The following EVL variants were observed in gnomAD, a reference collection of about 807,000 sequenced individuals.
EVL encodes the protein Enah/Vasp-like.
A neutral mutation model predicts 59.6 loss-of-function variants in EVL; 21 were observed. The ratio of observed to expected loss-of-function variants is 0.35; its 90% CI spans 0.25 to 0.51. The LOEUF is 0.51. Ranked by LOEUF, EVL falls within the 20% of genes least tolerant of loss-of-function variation. The probability of loss-of-function intolerance (pLI) is 0.97; values close to 1 mark genes in which losing one functional copy is unlikely to be tolerated. For synonymous variants in EVL, 198 were observed against 203.5 expected (o/e 0.97, Z 0.23); for missense variants, 462 against 546.6 (o/e 0.85, Z 1.54).
At chr14:100,085,297 T>C (rs2062415537) in intron 2 of EVL, among the ~76,000 whole-genome samples, 1 of 152,212 alleles carries the variant, frequency 6.6e-6, no homozygotes, top group South Asian at 2.1e-4. Context: ...TCCCTAATAG[T>C]TCAACCTAGG....
At position 100,097,508 on chromosome 14, in the gene EVL, G is replaced by C. The variant is rs765342478; in HGVS notation, c.208G>C (p.Gly70Arg). The C allele has an allele frequency of 3.1e-6, 5 of 1,611,482 alleles. No individual in the cohort carries two copies. The East Asian group carries it at 1.1e-4, about 36-fold the overall frequency. ...QVVINYSIVK[G>R]LKYNQATPTF... ...TGTGATCAATTATTCAATCGTGAAA[G>C]GGCTGAAGTACAATCAGGCCACGCC... The change falls in exon 3 of 14, where the codon GGG (glycine) becomes CGG (arginine). Residue 70 changes from glycine to arginine, a missense_variant. Gly to Arg is a moderately radical substitution (Grantham distance 125). Transcript: ENST00000392920.
intron 1 of EVL, among the ~76,000 whole-genome samples, chr14:100,059,946 A>G (rs1327492326): frequency 1.3e-5 from 2 of 152,198 alleles, no homozygotes; most frequent in African/African-American, 4.8e-5. Context: ...GTTAGTAGAC[A>G]TATAGAGTCA....
In EVL at chr14:100,070,071, A is replaced by T. The variant is rs896417398; in HGVS notation, c.11+4560A>T. Among the ~76,000 whole-genome samples, 224 of 151,644 alleles carry T rather than the reference A, an allele frequency of 1.5e-3. 2 individuals carry two copies. The highest frequency in any genetic ancestry group is 6.8e-3 in the Middle Eastern group (2 of 294). ...GTAAGACCTCCTCTCTTAAAAAAAA[A>T]AAAAAAAAGAAAGAAAGAAAATAAA... is the stretch of plus-strand genomic sequence containing the variant. On this transcript the variant is annotated intron_variant, in intron 1 of 13. Coordinates refer to ENST00000392920, the MANE Select transcript of EVL (RefSeq NM_016337.3).
At chr14:100,031,678 A>G (rs1171727589) in intron 1 of EVL, among the ~76,000 whole-genome samples, 1 of 152,190 alleles carries the variant, frequency 6.6e-6, no homozygotes, top group Non-Finnish European at 1.5e-5. Context: ...ATTTACAGAC[A>G]TGAAGAATTC....
chr14:100,046,677 CA>C (rs71113240), intron 1 of EVL, among the ~76,000 whole-genome samples: 85,005 of 135,274 alleles, frequency 0.63, 28,394 homozygotes, highest in Non-Finnish European at 0.75. Context: ...CCCGCGCCGC[CA>C]AAAAAAAAAA....
chr14:100,018,526 T>G (rs1416124413), intron 1 of EVL, among the ~76,000 whole-genome samples: 1 of 152,308 alleles, frequency 6.6e-6, no homozygotes, highest in East Asian at 1.9e-4. Context: ...CTGGTTTTCC[T>G]TCTTCCACCC....
At chr14:100,050,927 T>A (rs889119925) in intron 1 of EVL, among the ~76,000 whole-genome samples, 2 of 149,846 alleles carry the variant, frequency 1.3e-5, no homozygotes, top group African/African-American at 2.5e-5. Context: ...AAAAAAAAAA[T>A]TAAGAGATGG....
intron 4 of EVL, among the ~76,000 whole-genome samples, chr14:100,125,253 TACACACACACACACACACACACACACAC>T (rs34556561): frequency 1.7e-5 from 2 of 119,606 alleles, no homozygotes; most frequent in Middle Eastern, 4.6e-3. Flanking sequence ...AAGGCAGGAA[TACACACACACACACACACACACACACAC>T]ACACACACAC....
chr14:100,135,813 T>C (rs1888745213), intron 8 of EVL, 92 bp from the exon 9 acceptor site: 5 of 1,140,966 alleles, frequency 4.4e-6, no homozygotes, highest in Middle Eastern at 4.0e-4. Context: ...TTGGGAACAT[T>C]TGGAAAACTG....
upstream of EVL, among the ~76,000 whole-genome samples, chr14:100,064,639 G>A (rs529262813): frequency 1.1e-3 from 161 of 152,298 alleles, no homozygotes; most frequent in Non-Finnish European, 1.4e-3. Flanking sequence ...GGCCTGGCGC[G>A]GTGGCTCACG....
At chr14:100,125,943 T>C (rs1888045557) in intron 4 of EVL, among the ~76,000 whole-genome samples, 1 of 152,212 alleles carries the variant, frequency 6.6e-6, no homozygotes, top group Admixed American at 6.5e-5. Flanking sequence ...AGAGCTGCCT[T>C]CAGAACAATC....
In EVL at chr14:100,044,274, C is replaced by T. The variant is rs573241033; in HGVS notation, c.6-40413C>T. Among the ~76,000 whole-genome samples the T allele has an allele frequency of 2.4e-4, 36 of 152,304 alleles. 1 individual carries two copies. In the Middle Eastern group the frequency reaches 0.014, roughly 58 times the overall value. ...TAGTTGTGAAATAGTATACAAGAAA[C>T]TCATGACAGTAGTTGCCTTGGGAGG... On this transcript the variant is annotated intron_variant, in intron 1 of 13. Coordinates refer to the EVL transcript ENST00000402714.
chr14:100,034,908 TTA>T (rs1415861492), intron 1 of EVL, among the ~76,000 whole-genome samples: 2 of 152,180 alleles, frequency 1.3e-5, no homozygotes, highest in African/African-American at 4.8e-5. Context: ...AAAAGTATGA[TTA>T]TATATGCAAA....
chr14:100,035,157 G>T (rs2061369834), intron 1 of EVL, among the ~76,000 whole-genome samples: 1 of 152,018 alleles, frequency 6.6e-6, no homozygotes, highest in Non-Finnish European at 1.5e-5. Flanking sequence ...GTTTTTGCTG[G>T]TTTTTGTATT....
At chr14:100,069,956 G>T (rs2062013904) in intron 1 of EVL, among the ~76,000 whole-genome samples, 1 of 151,698 alleles carries the variant, frequency 6.6e-6, no homozygotes, top group African/African-American at 2.4e-5. Context: ...GCCGGGTATG[G>T]TGGCTCACTC....
chr14:100,050,627 G>A (rs932694822), intron 1 of EVL, among the ~76,000 whole-genome samples: 31 of 151,452 alleles, frequency 2.0e-4, no homozygotes, highest in African/African-American at 6.5e-4. Context: ...GTGAGCCACC[G>A]CGCCTGGCCA....
chr14:100,101,244 G>A lies in EVL; in HGVS notation c.358+3586G>A, dbSNP rs540116926. The stretch of plus-strand genomic sequence containing the variant: ...TCACACCTGTAATCCCAATACTTGG[G>A]GAGGCCAAGGCAGGCAGATCACCTG... On this transcript the variant is annotated intron_variant, in intron 3 of 13. Coordinates refer to ENST00000392920, the MANE Select transcript of EVL (RefSeq NM_016337.3). Among the ~76,000 whole-genome samples the A allele has an allele frequency of 3.9e-5, 6 of 152,312 alleles. No individual in the cohort carries two copies. The South Asian group carries it at 1.2e-3, about 32-fold the overall frequency.
chr14:100,004,090 G>C (rs2060963174), intron 1 of EVL, among the ~76,000 whole-genome samples: 1 of 152,210 alleles, frequency 6.6e-6, no homozygotes, highest in African/African-American at 2.4e-5. Context: ...TGTAATCCCA[G>C]CTACTTGGGA....
intron 1 of EVL, among the ~76,000 whole-genome samples, chr14:100,048,304 A>G (rs945279210): frequency 2.0e-5 from 3 of 152,252 alleles, no homozygotes; most frequent in Non-Finnish European, 4.4e-5. Flanking sequence ...CTTAACTATA[A>G]GAAAGTAACC....
Sources: allele counts gnomAD v4.1 joint callset (sites outside exome capture counted in the v4.1 genomes callset), GRCh38; gene constraint gnomAD v4.1.1; transcripts MANE v1.5; gene names NCBI Gene and HGNC (gene_info 2026-07-23, HGNC 2026-07-21).